IL1RL2: variants seen among roughly 807,000 people sequenced by gnomAD.
The protein encoded by IL1RL2 is interleukin-1 receptor-like 2.
In IL1RL2, 68 loss-of-function variants were observed where a neutral mutation model predicts 66.8. That is an observed-to-expected ratio of 1.02 (90% CI 0.84 to 1.25). The LOEUF (loss-of-function observed/expected upper bound fraction) is 1.25. IL1RL2 is among the 50% of genes most tolerant of loss of function. IL1RL2 has a pLI of 0.00. For missense variants in IL1RL2, 729 were observed against 709.3 expected, an observed-to-expected ratio of 1.03 and a Z score of -0.32; for synonymous variants, 305 against 264.6, an observed-to-expected ratio of 1.15 and a Z score of -1.48.
In IL1RL2 at chr2:102,189,170, A is replaced by G. The variant is rs1324527384; in HGVS notation, c.153A>G (p.Glu51=). 6.2e-7 allele frequency: 1 copy of G among 1,613,928 alleles called. No homozygotes were observed. Among genetic ancestry groups the G allele is most frequent in the Non-Finnish European group, 8.5e-7 (1 of 1,179,894 alleles). ...NCTFPPITSG[E]VSVTWYKNSS... The stretch of plus-strand genomic sequence containing the variant: ...CATTCCCTCCCATAACATCTGGGGA[A>G]GTCAGTGTAACATGGTATAAAAATT... Residue 51 remains glutamate, a synonymous_variant, in exon 3 of 12, where the codon GAA becomes GAG. Coordinates refer to ENST00000264257, the MANE Select transcript of IL1RL2 (RefSeq NM_003854.4).
chr2:102,190,749 T>A (rs1687156020), intron 3 of IL1RL2, among the ~76,000 whole-genome samples: 2 of 152,248 alleles, frequency 1.3e-5, no homozygotes, highest in Admixed American at 6.5e-5. Flanking sequence ...GGCTGTGAAT[T>A]ATTAACTAGA....
At chr2:102,212,406 C>A (rs1265902514) in intron 6 of IL1RL2, among the ~76,000 whole-genome samples, 3 of 151,826 alleles carry the variant, frequency 2.0e-5, no homozygotes, top group Admixed American at 6.6e-5. Flanking sequence ...ACTATGGGCC[C>A]AAAATGATTA....
Position 102,212,159 on chromosome 2 carries a change from AT to A in IL1RL2, c.711del (p.Ile237MetfsTer9). ...AATCATTTATCCAAAAAATCATTCAATTGAAGTACAGCTTGGTGAGTAAAAT... is the reference window on the plus strand; with the variant it reads ...AATCATTTATCCAAAAAATCATTCAATGAAGTACAGCTTGGTGAGTAAAAT... ...PKIIYPKNHS[I>X]EVQLGTTLIV... On this transcript the variant is annotated frameshift_variant, in exon 6 of 12. Transcript: ENST00000264257. LOFTEE classifies it high-confidence loss of function. The A allele has an allele frequency of 6.2e-7, 1 of 1,611,282 alleles. No individual in the cohort carries two copies. Among genetic ancestry groups the A allele is most frequent in the Non-Finnish European group, 8.5e-7 (1 of 1,177,494 alleles).
At chr2:102,209,512 A>T (rs1688977712) in intron 5 of IL1RL2, among the ~76,000 whole-genome samples, 1 of 145,328 alleles carries the variant, frequency 6.9e-6, no homozygotes, top group Non-Finnish European at 1.5e-5. Flanking sequence ...CAAAGCATGG[A>T]AGTGTTAAGC....
intron 4 of IL1RL2, among the ~76,000 whole-genome samples, chr2:102,197,771 C>A (rs922912546): frequency 1.4e-4 from 21 of 152,148 alleles, no homozygotes; most frequent in African/African-American, 5.1e-4. Flanking sequence ...GCTGAGTATT[C>A]CACTTTATTT....
chr2:102,191,799 CTT>C, intron 3 of IL1RL2, 124 bp from the exon 4 acceptor site: 1 of 636,818 alleles, frequency 1.6e-6, no homozygotes. Flanking sequence ...ATGCTTAGTG[CTT>C]TGTTAGAGGC....
chr2:102,239,181 C>T lies in IL1RL2; in HGVS notation c.1679-11C>T. ...TCAGAAAAGGAGTAAATAGATCTTT[C>T]CTGATTTCAGGCCCAGAACTAGGCT... On this transcript the variant is annotated splice_polypyrimidine_tract_variant and intron_variant, in intron 11 of 11. Coordinates refer to ENST00000264257, the MANE Select transcript of IL1RL2 (RefSeq NM_003854.4). 1 of 1,613,402 alleles carries T rather than the reference C, an allele frequency of 6.2e-7. No individual in the cohort carries two copies. Among genetic ancestry groups the T allele is most frequent in the South Asian group, 1.1e-5 (1 of 91,064 alleles).
chr2:102,198,182 T>G (rs1687944216), intron 4 of IL1RL2, among the ~76,000 whole-genome samples: 1 of 152,210 alleles, frequency 6.6e-6, no homozygotes, highest in African/African-American at 2.4e-5. Flanking sequence ...TAGAGATTAT[T>G]ATGTTACAAT....
rs1250803099 is a variant in IL1RL2 at position 102,189,187 on chromosome 2, A to G, written c.170A>G (p.Tyr57Cys). 7 of 1,614,068 alleles carry G rather than the reference A, an allele frequency of 4.3e-6. No homozygotes were observed. The highest frequency in any genetic ancestry group is 5.9e-6 in the Non-Finnish European group (7 of 1,179,912). The change falls in exon 3 of 12, where the codon TAT (tyrosine) becomes TGT (cysteine). Residue 57 changes from tyrosine to cysteine, a missense_variant. Tyr to Cys is a radical substitution (Grantham distance 194). Transcript: ENST00000264257. Reference protein sequence around the residue: ...ITSGEVSVTWYKNSSKIPVSK... With the variant: ...ITSGEVSVTWCKNSSKIPVSK... ...TCTGGGGAAGTCAGTGTAACATGGT[A>G]TAAAAATTCTAGCAAAATCCCAGTG...
At chr2:102,189,706 C>T (rs944576449) in intron 3 of IL1RL2, among the ~76,000 whole-genome samples, 5 of 152,244 alleles carry the variant, frequency 3.3e-5, no homozygotes, top group Admixed American at 6.5e-5. Flanking sequence ...CAACCTCCGC[C>T]TCCCAGGTTC....
At chr2:102,217,649 T>G (rs911648992) in intron 6 of IL1RL2, among the ~76,000 whole-genome samples, 2 of 152,138 alleles carry the variant, frequency 1.3e-5, no homozygotes, top group Non-Finnish European at 2.9e-5. Flanking sequence ...CCAACTGATA[T>G]TTGACAAAAG....
At chr2:102,242,212 C>T (rs1675248789), downstream of IL1RL2, among the ~76,000 whole-genome samples, 1 of 152,120 alleles carries the variant, frequency 6.6e-6, no homozygotes. Context: ...ATTATTTGCT[C>T]ATTGGGTAAA....
intron 5 of IL1RL2, among the ~76,000 whole-genome samples, chr2:102,203,549 C>G (rs116433764): frequency 0.017 from 2,589 of 151,968 alleles, 31 homozygotes; most frequent in Non-Finnish European, 0.028. Context: ...AGACTTCTTT[C>G]TCTTTAATAA....
rs540933400 is a variant in IL1RL2, at chr2:102,189,199, G to T, written c.182G>T (p.Ser61Ile). 3 of 1,614,054 alleles carry T rather than the reference G, an allele frequency of 1.9e-6. No homozygotes were observed. The highest frequency in any genetic ancestry group is 1.3e-5 in the African/African-American group (1 of 75,040). The change falls in exon 3 of 12, where the codon AGC (serine) becomes ATC (isoleucine). Residue 61 changes from serine (S) to isoleucine (I), a missense_variant. By Grantham distance (142) the Ser-to-Ile change is moderately radical (BLOSUM62 -2). Transcript: ENST00000264257. ...AGTGTAACATGGTATAAAAATTCTA[G>T]CAAAATCCCAGTGTCCAAAATCATA... is the stretch of plus-strand genomic sequence containing the variant. ...EVSVTWYKNSSKIPVSKIIQS... is the reference protein window; with the variant it reads ...EVSVTWYKNSIKIPVSKIIQS...
At chr2:102,196,724 G>A (rs1257970109) in intron 4 of IL1RL2, among the ~76,000 whole-genome samples, 1 of 152,188 alleles carries the variant, frequency 6.6e-6, no homozygotes, top group East Asian at 1.9e-4. Context: ...GTACGGCAAG[G>A]AAGGTCAGTA....
intron 9 of IL1RL2, among the ~76,000 whole-genome samples, chr2:102,228,562 T>C (rs936185635): frequency 7.2e-5 from 11 of 152,218 alleles, no homozygotes; most frequent in Admixed American, 6.5e-4. Flanking sequence ...GAAGGGTCTG[T>C]GCACGGATCT....
chr2:102,234,933 G>A lies in IL1RL2; in HGVS notation c.1334G>A (p.Cys445Tyr), dbSNP rs1418226102. 26 of 1,614,028 alleles carry A rather than the reference G, an allele frequency of 1.6e-5. No homozygotes were observed. The highest frequency in any genetic ancestry group is 3.3e-5 in the Admixed American group (2 of 60,004). The change falls in exon 11 of 12, where the codon TGC (cysteine) becomes TAC (tyrosine). Residue 445 changes from cysteine to tyrosine, a missense_variant. Coordinates refer to ENST00000264257, the MANE Select transcript of IL1RL2 (RefSeq NM_003854.4). ...GTCATCGATGAAAACGTTAAGCTGTGCAGGAGGCTGATTGTCATTGTGGTC... is the reference window on the plus strand; with the variant it reads ...GTCATCGATGAAAACGTTAAGCTGTACAGGAGGCTGATTGTCATTGTGGTC... Reference protein sequence around the residue: ...ANVIDENVKLCRRLIVIVVPE... With the variant: ...ANVIDENVKLYRRLIVIVVPE...
chr2:102,228,095 G>C (rs1300838053), intron 9 of IL1RL2, among the ~76,000 whole-genome samples: 1 of 152,158 alleles, frequency 6.6e-6, no homozygotes, highest in Non-Finnish European at 1.5e-5. Context: ...AGGCAGCCAG[G>C]GGTCCTTTTT....
rs763308389 is a variant in IL1RL2 at position 102,189,041 on chromosome 2, T to C, written c.59-35T>C. ...TAAATAAAACTGAAGTTTTCTTTCATGGATAATTGTTTTGTTTTGTTTTTC... is the reference window on the plus strand; with the variant it reads ...TAAATAAAACTGAAGTTTTCTTTCACGGATAATTGTTTTGTTTTGTTTTTC... On this transcript the variant is annotated intron_variant, in intron 2 of 11. Transcript: ENST00000264257. 39 of 1,497,642 alleles carry C rather than the reference T, an allele frequency of 2.6e-5. No individual in the cohort carries two copies. The South Asian group carries it at 4.4e-4, about 17-fold the overall frequency. The allele number at this position is 1,497,642 out of a possible 1,614,324, so 92.8% of individuals were successfully genotyped here. A position where few individuals can be genotyped will look rare whatever the true frequency, so the allele number is the denominator to read the frequency against.
Sources: allele counts gnomAD v4.1 joint callset (sites outside exome capture counted in the v4.1 genomes callset), GRCh38; gene constraint gnomAD v4.1.1; transcripts MANE v1.5; gene names NCBI Gene and HGNC (gene_info 2026-07-23, HGNC 2026-07-21).